The following TMEM232 variants were observed in gnomAD, a reference collection of about 807,000 sequenced individuals.
The protein encoded by TMEM232 is transmembrane protein 232.
In TMEM232, 80 loss-of-function variants were observed where a neutral mutation model predicts 78.8. That is an observed-to-expected ratio of 1.01 (90% CI 0.85 to 1.22). The LOEUF (loss-of-function observed/expected upper bound fraction) is 1.22. Among genes scored for constraint, TMEM232 ranks in the 50% most tolerant of loss-of-function variants. The probability of loss-of-function intolerance (pLI) is 0.00; values close to 1 mark genes in which losing one functional copy is unlikely to be tolerated. For synonymous variants in TMEM232, 297 were observed against 254.3 expected (o/e 1.17, Z -1.60); for missense variants, 881 against 742.2 (o/e 1.19, Z -2.17).
chr5:110,463,682 T>G (rs1435904874), intron 12 of TMEM232, among the ~76,000 whole-genome samples: 1 of 152,178 alleles, frequency 6.6e-6, no homozygotes, highest in African/African-American at 2.4e-5. Context: ...AACATGAGTC[T>G]TACTCCTAAG....
chr5:110,457,441 A>G (rs1451570488), intron 12 of TMEM232, among the ~76,000 whole-genome samples: 1 of 152,132 alleles, frequency 6.6e-6, no homozygotes, highest in African/African-American at 2.4e-5. Context: ...AACTTTAGAA[A>G]ACAGTTTGGT....
chr5:110,480,471 T>C (rs1286291083), intron 12 of TMEM232, among the ~76,000 whole-genome samples: 1 of 152,048 alleles, frequency 6.6e-6, no homozygotes, highest in East Asian at 1.9e-4. Flanking sequence ...TGACCATACC[T>C]GAGTAAAAGA....
At chr5:110,497,383 T>C (rs1359835112) in intron 12 of TMEM232, among the ~76,000 whole-genome samples, 1 of 152,064 alleles carries the variant, frequency 6.6e-6, no homozygotes, top group Admixed American at 6.6e-5. Context: ...TTGAATTGAA[T>C]ACAGATAACA....
chr5:110,663,745 A>ATG (rs34518185), intron 2 of TMEM232, among the ~76,000 whole-genome samples: 16,644 of 134,046 alleles, frequency 0.12, 857 homozygotes, highest in Non-Finnish European at 0.15. Flanking sequence ...GTGTGTGTGT[A>ATG]TGTGTGTGTG....
At chr5:110,452,763 A>AGAAGTAAAGACATTATTGG (rs1344665814) in intron 12 of TMEM232, among the ~76,000 whole-genome samples, 2 of 152,234 alleles carry the variant, frequency 1.3e-5, no homozygotes, top group East Asian at 3.8e-4. Context: ...TAGTGAGTTT[A>AGAAGTAAAGACATTATTGG]GAAGTAAAGA....
chr5:110,418,983 C>T (rs893793666), downstream of TMEM232, among the ~76,000 whole-genome samples: 5 of 152,054 alleles, frequency 3.3e-5, no homozygotes, highest in Non-Finnish European at 7.4e-5. Flanking sequence ...TTTGGTAAGG[C>T]TCATGTCACT....
chr5:110,543,987 A>G (rs1477738157), intron 11 of TMEM232, among the ~76,000 whole-genome samples: 1 of 152,178 alleles, frequency 6.6e-6, no homozygotes, highest in Non-Finnish European at 1.5e-5. Flanking sequence ...GAGCAGACTT[A>G]AACAAAATAC....
intron 2 of TMEM232, among the ~76,000 whole-genome samples, chr5:110,408,287 C>A (rs927896329): frequency 6.6e-6 from 1 of 151,924 alleles, no homozygotes; most frequent in African/African-American, 2.4e-5. Flanking sequence ...ATAAATGAAA[C>A]TGAGACTTTA....
chr5:110,540,800 C>T (rs1055367166), intron 11 of TMEM232, among the ~76,000 whole-genome samples: 1 of 152,182 alleles, frequency 6.6e-6, no homozygotes, highest in Admixed American at 6.5e-5. Context: ...TCTAAATATA[C>T]ATTCCCTGTG....
intron 3 of TMEM232, among the ~76,000 whole-genome samples, chr5:110,391,022 T>C (rs577978940): frequency 5.9e-5 from 9 of 152,364 alleles, no homozygotes; most frequent in African/African-American, 2.2e-4. Flanking sequence ...AAGACACTGC[T>C]GTCACAATGA....
chr5:110,621,922 T>A (rs1479594132), intron 7 of TMEM232, among the ~76,000 whole-genome samples: 1 of 152,126 alleles, frequency 6.6e-6, no homozygotes, highest in Non-Finnish European at 1.5e-5. Context: ...CAGTTTAGAT[T>A]TTATGCAAAT....
intron 1 of TMEM232, among the ~76,000 whole-genome samples, chr5:110,705,698 A>G (rs940410627): frequency 7.9e-6 from 1 of 126,460 alleles, no homozygotes; most frequent in Non-Finnish European, 1.7e-5. Flanking sequence ...CATATACAGT[A>G]TATGTGTGTG....
intron 12 of TMEM232, among the ~76,000 whole-genome samples, chr5:110,460,602 ATAC>A (rs1272359988): frequency 6.6e-6 from 1 of 151,994 alleles, no homozygotes; most frequent in African/African-American, 2.4e-5. Context: ...ACACACACAT[ATAC>A]TACTATAGGC....
At chr5:110,490,641 A>G (rs1764983063) in intron 12 of TMEM232, among the ~76,000 whole-genome samples, 1 of 152,142 alleles carries the variant, frequency 6.6e-6, no homozygotes, top group Non-Finnish European at 1.5e-5. Flanking sequence ...ATAGAGGCAG[A>G]TCAATTGAAT....
At position 110,428,999 on chromosome 5, in the gene TMEM232, T is replaced by A. The variant is rs374705197; in HGVS notation, c.1704-4083A>T. ...GAGATGGCTGGGACTGAGATTACAT[T>A]GAAGTGAAGAGGAGCTGACTAATTT... On this transcript the variant is annotated intron_variant, in intron 12 of 13. Transcript: ENST00000455884. Among the ~76,000 whole-genome samples the A allele has an allele frequency of 5.9e-5, 9 of 151,926 alleles. 1 individual carries two copies. The highest frequency in any genetic ancestry group is 5.8e-4 in the East Asian group (3 of 5,180).
chr5:110,592,083 A>ACCAC (rs2149775793), intron 10 of TMEM232, among the ~76,000 whole-genome samples: 1 of 152,262 alleles, frequency 6.6e-6, no homozygotes, highest in South Asian at 2.1e-4. Context: ...GTTACAATGG[A>ACCAC]CCACATCAGT....
At chr5:110,662,276 T>C (rs532696900) in intron 2 of TMEM232, among the ~76,000 whole-genome samples, 3 of 152,196 alleles carry the variant, frequency 2.0e-5, no homozygotes, top group African/African-American at 7.2e-5. Context: ...AATCTAACAA[T>C]GCCTCTGTGA....
intron 2 of TMEM232, among the ~76,000 whole-genome samples, chr5:110,403,426 C>T (rs1219364937): frequency 5.9e-5 from 9 of 151,978 alleles, no homozygotes; most frequent in African/African-American, 1.9e-4. Context: ...TATCTAAGGA[C>T]GTCCCATATT....
At chr5:110,736,440 A>G (rs185073835) in intron 1 of TMEM232, among the ~76,000 whole-genome samples, 258 of 152,316 alleles carry the variant, frequency 1.7e-3, no homozygotes, top group African/African-American at 5.9e-3. Flanking sequence ...GCCCGTGCTC[A>G]GACATAATAC....
Sources: gnomAD v4.1 joint callset for allele counts (sites outside exome capture counted in the v4.1 genomes callset) on GRCh38, gnomAD v4.1.1 for gene constraint, MANE v1.5 for transcripts, NCBI Gene and HGNC (gene_info 2026-07-23, HGNC 2026-07-21) for gene names.